Variants in TBX22 observed in about 807,000 individuals in gnomAD.
TBX22 encodes the protein T-box transcription factor TBX22.
In TBX22, 8 loss-of-function variants were observed where a neutral mutation model predicts 30.1. The ratio of observed to expected loss-of-function variants is 0.27; its 90% CI spans 0.16 to 0.48. TBX22 has a LOEUF of 0.48. TBX22 is among the 20% of genes least tolerant of loss of function. TBX22 has a pLI of 0.99. For synonymous variants in TBX22, 173 were observed against 149.1 expected, an observed-to-expected ratio of 1.16 and a Z score of -1.17; for missense variants, 463 against 400.5, an observed-to-expected ratio of 1.16 and a Z score of -1.33.
intron 8 of TBX22, among the ~76,000 whole-genome samples, chrX:80,030,048 G>T (rs964245150): frequency 3.6e-5 from 4 of 111,621 alleles, no homozygotes; most frequent in African/African-American, 6.5e-5. Flanking sequence ...GGATGGTTTC[G>T]GGATGAAACT....
At chrX:80,015,447 A>G (rs6616418) in intron 1 of TBX22, among the ~76,000 whole-genome samples, 26,790 of 111,924 alleles carry the variant, frequency 0.24, 2,409 homozygotes, top group East Asian at 0.37. Context: ...AGATCCACAG[A>G]GGCAGAAGGA....
At chrX:80,030,390 G>A (rs1924188956) in intron 8 of TBX22, 108 bp from the exon 9 acceptor site, 1 of 1,032,354 alleles carries the variant, frequency 9.7e-7, no homozygotes. Context: ...AACTCACAAG[G>A]AAAATTAATC....
intron 1 of TBX22, among the ~76,000 whole-genome samples, chrX:80,018,519 G>A (rs1923547301): frequency 8.9e-6 from 1 of 111,912 alleles, no homozygotes; most frequent in Admixed American, 9.5e-5. Flanking sequence ...AAAGTTGGGG[G>A]TTCCAGTGTT....
At chrX:80,025,874 C>T in intron 5 of TBX22, 97 bp downstream of exon 5, 1 of 783,187 alleles carries the variant, frequency 1.3e-6, no homozygotes, top group Non-Finnish European at 1.9e-6. Context: ...TGCAGATGCA[C>T]ATGTTGTGTT....
At position 80,031,332 on chromosome X, in the gene TBX22, T is replaced by A; in HGVS notation, c.*221T>A. 2.5e-6 allele frequency: 1 copy of A among 403,840 alleles called. No individual in the cohort carries two copies. Among genetic ancestry groups the A allele is most frequent in the South Asian group, 4.5e-5 (1 of 22,228 alleles). 33.3% of individuals were successfully genotyped at this position (403,840 alleles called of 1,213,427 possible). A position where few individuals can be genotyped will look rare whatever the true frequency, so the allele number is the denominator to read the frequency against. Reference sequence around the variant, plus strand: ...CAGGAATCTCTGATTACAGTGGCCTTGAGCTTCAAAATGAGATATGCAATA... The same window carrying A: ...CAGGAATCTCTGATTACAGTGGCCTAGAGCTTCAAAATGAGATATGCAATA... On this transcript the variant is annotated 3_prime_UTR_variant, in exon 9 of 9. Transcript: ENST00000373296.
chrX:80,020,922 T>A (rs1444626736), intron 1 of TBX22, among the ~76,000 whole-genome samples: 1 of 112,076 alleles, frequency 8.9e-6, no homozygotes, highest in African/African-American at 3.2e-5. Context: ...TGCTATTAGT[T>A]AAGATGCAAC....
At chrX:80,020,607 C>A (rs757205273) in intron 1 of TBX22, among the ~76,000 whole-genome samples, 1 of 111,458 alleles carries the variant, frequency 9.0e-6, no homozygotes, top group East Asian at 2.8e-4. Flanking sequence ...GTAAGTAACT[C>A]TTTGCCATAC....
intron 4 of TBX22, among the ~76,000 whole-genome samples, chrX:80,025,240 A>T (rs928591378): frequency 9.0e-6 from 1 of 111,342 alleles, no homozygotes; most frequent in Non-Finnish European, 1.9e-5. Context: ...TAGACAAGAC[A>T]TCCTTGTCAG....
At chrX:80,022,475 C>T (rs1439524482) in intron 2 of TBX22, 31 bp downstream of exon 2, 2 of 1,152,368 alleles carry the variant, frequency 1.7e-6, no homozygotes, top group East Asian at 3.2e-5. Flanking sequence ...GAGCCCGTTG[C>T]CTGAGCTTAC....
intron 5 of TBX22, 24 bp from the exon 6 acceptor site, chrX:80,026,680 C>T (rs1218166006): frequency 8.3e-7 from 1 of 1,207,806 alleles, no homozygotes; most frequent in Non-Finnish European, 1.1e-6. Context: ...GTTTTTCTAA[C>T]AGCATTGATC....
chrX:80,031,194 G>A lies in TBX22; in HGVS notation c.*83G>A, dbSNP rs185931336. On this transcript the variant is annotated 3_prime_UTR_variant, in exon 9 of 9. Transcript: ENST00000373296. ...GCCAAAGAAATTTCAACAGTTATTG[G>A]GCTTAAAAAGCATCATTACAATACA... is the stretch of plus-strand genomic sequence containing the variant. The A allele has an allele frequency of 4.3e-6, 4 of 921,355 alleles. No individual in the cohort carries two copies. In the African/African-American group the frequency reaches 5.9e-5, roughly 14 times the overall value. The allele number at this position is 921,355 out of a possible 1,213,427, so 75.9% of individuals were successfully genotyped here.
chrX:80,027,895 A>C, intron 7 of TBX22, 96 bp from the exon 8 acceptor site: 1 of 654,309 alleles, frequency 1.5e-6, no homozygotes, highest in Non-Finnish European at 2.5e-6. Flanking sequence ...GAAATATTTA[A>C]AATAGTTACA....
chrX:80,023,420 G>C, intron 3 of TBX22, 180 bp downstream of exon 3: 1 of 466,274 alleles, frequency 2.1e-6, no homozygotes, highest in Admixed American at 3.6e-5. Flanking sequence ...GACTTACCTG[G>C]CCCCATGTAA....
chrX:80,020,683 T>TC (rs1383704178), intron 1 of TBX22, among the ~76,000 whole-genome samples: 1 of 111,308 alleles, frequency 9.0e-6, no homozygotes, highest in Non-Finnish European at 1.9e-5. Flanking sequence ...TGGCTGAATA[T>TC]CCCCCTACCA....
intron 1 of TBX22, among the ~76,000 whole-genome samples, chrX:80,018,551 G>T (rs773178218): frequency 8.9e-6 from 1 of 111,814 alleles, no homozygotes; most frequent in Non-Finnish European, 1.9e-5. Context: ...TTTCCCCTTC[G>T]AGTGTTTCGC....
In TBX22 at chrX:80,031,480, G is replaced by T; in HGVS notation, c.*369G>T. ...ACATTGACAATGACAAAAAGAAGAT[G>T]GATGTAATTCTCATGAAAGCAGTGA... On this transcript the variant is annotated 3_prime_UTR_variant, in exon 9 of 9. Coordinates refer to ENST00000373296, the MANE Select transcript of TBX22 (RefSeq NM_001109878.2). 6.4e-6 allele frequency: 1 copy of T among 156,155 alleles called. No homozygotes were observed. Among genetic ancestry groups the T allele is most frequent in the Non-Finnish European group, 1.2e-5 (1 of 81,096 alleles). 12.9% of individuals were successfully genotyped at this position (156,155 alleles called of 1,213,427 possible). A position where few individuals can be genotyped will look rare whatever the true frequency, so the allele number is the denominator to read the frequency against.
chrX:80,030,927 C>T lies in TBX22; in HGVS notation c.1379C>T (p.Thr460Ile). The change falls in exon 9 of 9, where the codon ACC (threonine) becomes ATC (isoleucine). Residue 460 changes from threonine (T) to isoleucine (I), a missense_variant. Thr to Ile is a moderately conservative substitution (Grantham distance 89). Coordinates refer to ENST00000373296, the MANE Select transcript of TBX22 (RefSeq NM_001109878.2). The part of the protein sequence containing the change: ...PGNIFLPNSI[T>I]PEALSCSFHP... ...AATATTTTTCTGCCAAACTCCATCA[C>T]CCCAGAAGCACTTAGTTGCTCCTTT... The T allele has an allele frequency of 8.3e-7, 1 of 1,211,111 alleles. No homozygotes were observed. Among genetic ancestry groups the T allele is most frequent in the Non-Finnish European group, 1.1e-6 (1 of 894,560 alleles).
chrX:80,017,712 T>A (rs1923516475), intron 1 of TBX22, among the ~76,000 whole-genome samples: 1 of 111,405 alleles, frequency 9.0e-6, no homozygotes, highest in Non-Finnish European at 1.9e-5. Context: ...GTCCCCATAA[T>A]TCTGGTGGCA....
At chrX:80,022,833 A>G (rs994341268) in intron 2 of TBX22, among the ~76,000 whole-genome samples, 2 of 107,761 alleles carry the variant, frequency 1.9e-5, no homozygotes, top group Non-Finnish European at 3.8e-5. Context: ...AAAAAAAAAA[A>G]AAAGCTGGTG....
Sources: gnomAD v4.1 joint callset for allele counts (sites outside exome capture counted in the v4.1 genomes callset) on GRCh38, gnomAD v4.1.1 for gene constraint, MANE v1.5 for transcripts, NCBI Gene and HGNC (gene_info 2026-07-23, HGNC 2026-07-21) for gene names.